JAKMIP1: variants seen among roughly 807,000 people sequenced by gnomAD.
The protein encoded by JAKMIP1 is janus kinase and microtubule interacting protein 1.
JAKMIP1 carries 33 observed loss-of-function variants against 113.0 expected under a neutral mutation model. The ratio of observed to expected loss-of-function variants is 0.29; its 90% confidence interval spans 0.22 to 0.39. The LOEUF (loss-of-function observed/expected upper bound fraction) is 0.39, where lower values mean the gene tolerates loss of function less well. JAKMIP1 is among the 10% of genes least tolerant of loss of function. The probability of loss-of-function intolerance (pLI) is 1.00; values close to 1 mark genes in which losing one functional copy is unlikely to be tolerated. For missense variants in JAKMIP1, 813 were observed against 1,080.5 expected (o/e 0.75, Z 3.47); for synonymous variants, 480 against 459.9 (o/e 1.04, Z -0.56).
chr4:6,073,917 C>T (rs1224428889), intron 8 of JAKMIP1, among the ~76,000 whole-genome samples: 1 of 152,230 alleles, frequency 6.6e-6, no homozygotes, highest in Non-Finnish European at 1.5e-5. Flanking sequence ...AGCTTCTGTG[C>T]AAGTTCCAAT....
At chr4:6,032,117 AT>A (rs1221472991) in intron 19 of JAKMIP1, among the ~76,000 whole-genome samples, 1 of 152,122 alleles carries the variant, frequency 6.6e-6, no homozygotes, top group African/African-American at 2.4e-5. Flanking sequence ...GGTGAGTGAC[AT>A]GATCTCTCTG....
At chr4:6,125,295 C>T (rs1188528058) in intron 1 of JAKMIP1, among the ~76,000 whole-genome samples, 1 of 152,062 alleles carries the variant, frequency 6.6e-6, no homozygotes, top group African/African-American at 2.4e-5. Context: ...CTGGCTGACC[C>T]CTCACCTAGG....
intron 3 of JAKMIP1, among the ~76,000 whole-genome samples, chr4:6,101,494 A>G (rs998745925): frequency 6.6e-6 from 1 of 152,124 alleles, no homozygotes; most frequent in Non-Finnish European, 1.5e-5. Context: ...TATAGGTTGT[A>G]TGAAACCTCC....
In JAKMIP1 at chr4:6,042,352, A is replaced by T. The variant is rs572489548; in HGVS notation, c.2029-125T>A. The T allele has an allele frequency of 1.5e-4, 110 of 746,078 alleles. No homozygotes were observed. Among genetic ancestry groups the T allele is most frequent in the Non-Finnish European group, 2.4e-4 (101 of 427,474 alleles). The allele number at this position is 746,078 out of a possible 1,614,324, so 46.2% of individuals were successfully genotyped here. A position where few individuals can be genotyped will look rare whatever the true frequency, so the allele number is the denominator to read the frequency against. ...CTCAGAGTGTGCTCAGGAATGGGTCAGGTCATGGCACACACATGCCTGATC... is the reference window on the plus strand; with the variant it reads ...CTCAGAGTGTGCTCAGGAATGGGTCTGGTCATGGCACACACATGCCTGATC... On this transcript the variant is annotated intron_variant, in intron 16 of 20. Transcript: ENST00000409021. The surrounding 1 kb of genome is among the most constrained non-coding windows in gnomAD (Gnocchi z 5.2).
intron 1 of JAKMIP1, among the ~76,000 whole-genome samples, chr4:6,125,728 ACAC>A (rs1380108529): frequency 7.3e-6 from 1 of 136,986 alleles, no homozygotes; most frequent in African/African-American, 2.9e-5. Flanking sequence ...AAACACACAC[ACAC>A]ACCATACCCA....
Position 6,105,885 on chromosome 4 carries a change from T to C in JAKMIP1, c.212A>G (p.Glu71Gly), listed in dbSNP as rs138465788. ...EQRRHTAYIS[E>G]LKAKLHEEKT... The stretch of plus-strand genomic sequence containing the variant: ...CTCCTCATGCAGCTTGGCCTTGAGC[T>C]CCGAAATGTAGGCCGTGTGCCGTCG... The change falls in exon 3 of 21, where the codon GAG (glutamate) becomes GGG (glycine). Residue 71 changes from glutamate (E) to glycine (G), a missense_variant. Transcript: ENST00000409021. 1 of 1,611,984 alleles carries C rather than the reference T, an allele frequency of 6.2e-7. No homozygotes were observed. The highest frequency in any genetic ancestry group is 8.5e-7 in the Non-Finnish European group (1 of 1,179,814).
intron 1 of JAKMIP1, among the ~76,000 whole-genome samples, chr4:6,172,229 G>C (rs774115965): frequency 1.3e-5 from 2 of 152,190 alleles, no homozygotes; most frequent in Non-Finnish European, 2.9e-5. Flanking sequence ...CCTCCATGCT[G>C]CCCGAGCACT....
chr4:6,184,051 A>G lies in JAKMIP1; in HGVS notation c.-148+16202T>C, dbSNP rs1328826157. Among the ~76,000 whole-genome samples, 1 of 152,244 alleles carries G rather than the reference A, an allele frequency of 6.6e-6. No individual in the cohort carries two copies. The highest frequency in any genetic ancestry group is 1.5e-5 in the Non-Finnish European group (1 of 68,044). On this transcript the variant is annotated intron_variant, in intron 1 of 20. Transcript: ENST00000409021. This position sits in a 1 kb window ranked among gnomAD's most constrained non-coding sequence, Gnocchi z 4.5. ...CTCACTGACTGACCTTATAACTGGT[A>G]AATGTTGTCAGTTTAAAGTCATAAG...
At chr4:6,164,455 ATGT>A (rs148433025) in intron 1 of JAKMIP1, among the ~76,000 whole-genome samples, 1 of 140,258 alleles carries the variant, frequency 7.1e-6, no homozygotes, top group African/African-American at 3.3e-5. Flanking sequence ...GAGGAGATTG[ATGT>A]TGTTGTCATG....
At position 6,171,801 on chromosome 4, in the gene JAKMIP1, G is replaced by C. The variant is rs1724764272; in HGVS notation, c.-148+28452C>G. Among the ~76,000 whole-genome samples, 7 of 152,304 alleles carry C rather than the reference G, an allele frequency of 4.6e-5. No individual in the cohort carries two copies. The South Asian group carries it at 8.3e-4, about 18-fold the overall frequency. ...GGCACGGAATCGAGGCTCGTTCGTT[G>C]GCTGAATGTGTTGACAATCCCTGAC... On this transcript the variant is annotated intron_variant, in intron 1 of 20. Coordinates refer to ENST00000409021, the MANE Select transcript of JAKMIP1 (RefSeq NM_001099433.2).
chr4:6,038,567 C>T (rs865980224), intron 18 of JAKMIP1, among the ~76,000 whole-genome samples: 5 of 152,272 alleles, frequency 3.3e-5, no homozygotes, highest in Non-Finnish European at 5.9e-5. Context: ...AGTAGCCCTC[C>T]GTCACCATCA....
In JAKMIP1 at chr4:6,088,953, C is replaced by T. The variant is rs904669171; in HGVS notation, c.625-3324G>A. Among the ~76,000 whole-genome samples the T allele has an allele frequency of 6.6e-6, 1 of 152,214 alleles. No homozygotes were observed. Among genetic ancestry groups the T allele is most frequent in the African/African-American group, 2.4e-5 (1 of 41,450 alleles). Reference sequence around the variant, plus strand: ...AGTTCCCAGGGCAGTCCCCAATTGGCTCATGCCACCCAAATGTCCCTGTCC... The same window carrying T: ...AGTTCCCAGGGCAGTCCCCAATTGGTTCATGCCACCCAAATGTCCCTGTCC... On this transcript the variant is annotated intron_variant, in intron 3 of 20. Transcript: ENST00000409021. The surrounding 1 kb of genome is among the most constrained non-coding windows in gnomAD (Gnocchi z 5.5).
chr4:6,056,813 G>C (rs1716536358), intron 11 of JAKMIP1, 54 bp from the exon 12 acceptor site: 2 of 1,236,866 alleles, frequency 1.6e-6, no homozygotes, highest in African/African-American at 1.5e-5. Context: ...AGATGGTCAA[G>C]TAACAAACTT....
In JAKMIP1 at chr4:6,193,316, C is replaced by T. The variant is rs1288642139; in HGVS notation, c.-148+6937G>A. Among the ~76,000 whole-genome samples the T allele has an allele frequency of 6.6e-6, 1 of 152,166 alleles. No homozygotes were observed. Among genetic ancestry groups the T allele is most frequent in the Non-Finnish European group, 1.5e-5 (1 of 68,028 alleles). On this transcript the variant is annotated intron_variant, in intron 1 of 20. Coordinates refer to ENST00000409021, the MANE Select transcript of JAKMIP1 (RefSeq NM_001099433.2). The surrounding 1 kb of genome is among the most constrained non-coding windows in gnomAD (Gnocchi z 6.4). ...TGATCCGCCACTGGTTTCTTTGCTCCTCAACTTGCAGACAGCCCATCGTGA... is the reference window on the plus strand; with the variant it reads ...TGATCCGCCACTGGTTTCTTTGCTCTTCAACTTGCAGACAGCCCATCGTGA...
chr4:6,188,607 G>C lies in JAKMIP1; in HGVS notation c.-148+11646C>G, dbSNP rs953473225. 1.3e-5 allele frequency among the ~76,000 whole-genome samples: 2 copies of C among 152,122 alleles called. No homozygotes were observed. The highest frequency in any genetic ancestry group is 4.8e-5 in the African/African-American group (2 of 41,412). On this transcript the variant is annotated intron_variant, in intron 1 of 20. Coordinates refer to ENST00000409021, the MANE Select transcript of JAKMIP1 (RefSeq NM_001099433.2). This position sits in a 1 kb window ranked among gnomAD's most constrained non-coding sequence, Gnocchi z 5.8. ...GCTACAACCCAGGAGCAAATGAATC[G>C]TGAAATTCCAAATTAGCAACTTATT...
chr4:6,073,354 C>A (rs1719251628), intron 8 of JAKMIP1, among the ~76,000 whole-genome samples: 1 of 152,200 alleles, frequency 6.6e-6, no homozygotes. Flanking sequence ...CCCCTGGCAA[C>A]AGCAGACCCA....
At position 6,198,951 on chromosome 4, in the gene JAKMIP1, AG is replaced by A. The variant is rs1728140045; in HGVS notation, c.-148+1301del. On this transcript the variant is annotated intron_variant, in intron 1 of 20. Coordinates refer to ENST00000409021, the MANE Select transcript of JAKMIP1 (RefSeq NM_001099433.2). ...TTCACTGTGGGTGGAGCCCTGGGAG[AG>A]GGGCTGAGGCTGCCCCTGCCCTCCT... Among the ~76,000 whole-genome samples the A allele has an allele frequency of 2.6e-5, 4 of 152,242 alleles. No homozygotes were observed. The South Asian group carries it at 8.3e-4, about 32-fold the overall frequency.
intron 1 of JAKMIP1, among the ~76,000 whole-genome samples, chr4:6,148,071 C>T (rs1349318943): frequency 6.6e-6 from 1 of 152,206 alleles, no homozygotes; most frequent in Non-Finnish European, 1.5e-5. Context: ...AGGTACTAAG[C>T]AGGTGCTCAG....
rs908448106 is a variant in JAKMIP1, at chr4:6,040,218, C to T, written c.2175+421G>A. ...TATTACATCCGACCTTATACCTCGT[C>T]CCTTCGGTTCTGAAAATCACCTGGC... On this transcript the variant is annotated intron_variant, in intron 18 of 20. Coordinates refer to ENST00000409021, the MANE Select transcript of JAKMIP1 (RefSeq NM_001099433.2). The surrounding 1 kb of genome is among the most constrained non-coding windows in gnomAD (Gnocchi z 5.8). 1.3e-5 allele frequency among the ~76,000 whole-genome samples: 2 copies of T among 152,304 alleles called. No individual in the cohort carries two copies. The highest frequency in any genetic ancestry group is 2.1e-4 in the South Asian group (1 of 4,824).
Sources: allele counts gnomAD v4.1 joint callset (sites outside exome capture counted in the v4.1 genomes callset), GRCh38; gene constraint gnomAD v4.1.1; non-coding constraint Gnocchi (gnomAD v3.1); transcripts MANE v1.5; gene names NCBI Gene and HGNC (gene_info 2026-07-23, HGNC 2026-07-21).